Variants in VPS13B observed in about 807,000 individuals in gnomAD.
VPS13B encodes intermembrane lipid transfer protein VPS13B.
VPS13B carries 285 observed loss-of-function variants against 426.4 expected under a neutral mutation model. The ratio of observed to expected loss-of-function variants is 0.67; its 90% CI spans 0.61 to 0.74. VPS13B has a LOEUF of 0.74. Ranked by LOEUF, VPS13B falls within the 30% of genes least tolerant of loss-of-function variation. The pLI is 0.00. For synonymous variants in VPS13B, 1,676 were observed against 1,676.4 expected, an observed-to-expected ratio of 1.00 and a Z score of 0.01; for missense variants, 4,537 against 4,782.6, an observed-to-expected ratio of 0.95 and a Z score of 1.51.
At chr8:99,141,517 A>C (rs1039664601) in intron 12 of VPS13B, among the ~76,000 whole-genome samples, 2 of 152,184 alleles carry the variant, frequency 1.3e-5, no homozygotes, top group African/African-American at 4.8e-5. Context: ...CTAGAAATGT[A>C]ATGGTTTTAG....
At chr8:99,835,371 T>C in intron 53 of VPS13B, 47 bp downstream of exon 53, 1 of 1,587,652 alleles carries the variant, frequency 6.3e-7, no homozygotes, top group African/African-American at 1.3e-5. Flanking sequence ...TGTGTATTTT[T>C]TCTGGGATTT....
intron 19 of VPS13B, chr8:99,340,795 AG>A: frequency 5.9e-6 from 2 of 340,398 alleles, no homozygotes; most frequent in Non-Finnish European, 1.2e-5. Context: ...AGCCTGTTGC[AG>A]TTGGTGGTGT....
intron 41 of VPS13B, 29 bp downstream of exon 41, chr8:99,776,985 A>T (rs372386357): frequency 5.5e-5 from 88 of 1,595,274 alleles, no homozygotes; most frequent in Non-Finnish European, 7.0e-5. Flanking sequence ...TCAGAATAAC[A>T]TCCATTTAAT....
At chr8:99,862,312 T>G (rs779962882) in intron 58 of VPS13B, among the ~76,000 whole-genome samples, 6 of 152,186 alleles carry the variant, frequency 3.9e-5, no homozygotes, top group Non-Finnish European at 8.8e-5. Context: ...GCTCCCTCAC[T>G]CCCACACATG....
intron 39 of VPS13B, among the ~76,000 whole-genome samples, chr8:99,747,655 C>T (rs926283809): frequency 2.6e-5 from 4 of 151,830 alleles, no homozygotes; most frequent in Non-Finnish European, 5.9e-5. Flanking sequence ...CTTTTTAACC[C>T]AAAAAGTAAG....
chr8:99,475,292 CT>C (rs1221745867), intron 24 of VPS13B, among the ~76,000 whole-genome samples: 2 of 152,108 alleles, frequency 1.3e-5, no homozygotes, highest in African/African-American at 4.8e-5. Context: ...TGTTGTTTTT[CT>C]AAAGTCATAG....
intron 30 of VPS13B, among the ~76,000 whole-genome samples, chr8:99,539,227 T>C (rs576742017): frequency 5.3e-5 from 8 of 152,272 alleles, no homozygotes; most frequent in Admixed American, 3.3e-4. Context: ...AATTGGCCTT[T>C]AAAAAATAGG....
chr8:99,079,577 T>G (rs1467132297), intron 3 of VPS13B, among the ~76,000 whole-genome samples: 1 of 152,240 alleles, frequency 6.6e-6, no homozygotes, highest in African/African-American at 2.4e-5. Context: ...ATTTTTTTTA[T>G]TTCTCCTTGT....
At chr8:99,300,715 A>G (rs1334227680) in intron 19 of VPS13B, among the ~76,000 whole-genome samples, 2 of 152,204 alleles carry the variant, frequency 1.3e-5, no homozygotes, top group East Asian at 3.9e-4. Context: ...GATTGTCTGC[A>G]TTACTCTTAC....
intron 31 of VPS13B, among the ~76,000 whole-genome samples, chr8:99,559,727 C>T (rs928116429): frequency 2.6e-5 from 4 of 152,062 alleles, no homozygotes; most frequent in Admixed American, 6.6e-5. Flanking sequence ...AGATACGCGG[C>T]ATTATTTCTG....
At chr8:99,319,654 T>G (rs1174014412) in intron 19 of VPS13B, among the ~76,000 whole-genome samples, 1 of 152,032 alleles carries the variant, frequency 6.6e-6, no homozygotes, top group Admixed American at 6.5e-5. Flanking sequence ...GCCCCCAGAG[T>G]GTGGTGCAAC....
At chr8:99,062,872 G>T (rs191887460) in intron 3 of VPS13B, among the ~76,000 whole-genome samples, 184 of 152,286 alleles carry the variant, frequency 1.2e-3, no homozygotes, top group African/African-American at 4.1e-3. Flanking sequence ...AAGTATCTGT[G>T]GATATAGATG....
At chr8:99,593,091 C>T (rs558145709) in intron 33 of VPS13B, among the ~76,000 whole-genome samples, 2 of 152,108 alleles carry the variant, frequency 1.3e-5, no homozygotes, top group African/African-American at 2.4e-5. Context: ...GGAACTTCTG[C>T]ACAGCAATAG....
chr8:99,382,464 A>G (rs143895178), intron 19 of VPS13B, among the ~76,000 whole-genome samples: 2,969 of 152,136 alleles, frequency 0.02, 42 homozygotes, highest in Non-Finnish European at 0.031. Context: ...ATGAGCATGG[A>G]ATGTTTTTCC....
At chr8:99,595,069 C>T (rs1349481629) in intron 33 of VPS13B, among the ~76,000 whole-genome samples, 2 of 151,954 alleles carry the variant, frequency 1.3e-5, no homozygotes, top group Non-Finnish European at 2.9e-5. Flanking sequence ...TGTTTCTCTT[C>T]ATAAGCTCTG....
intron 39 of VPS13B, among the ~76,000 whole-genome samples, chr8:99,743,398 C>T (rs909788969): frequency 1.3e-5 from 2 of 151,724 alleles, no homozygotes; most frequent in Admixed American, 6.6e-5. Flanking sequence ...CCATACTGCC[C>T]AAGGTAATTT....
intron 24 of VPS13B, among the ~76,000 whole-genome samples, chr8:99,473,090 CAT>C (rs1022267940): frequency 4.3e-4 from 66 of 152,082 alleles, no homozygotes; most frequent in African/African-American, 1.3e-3. Flanking sequence ...GAAAAAATAA[CAT>C]AAATTTTTCA....
chr8:99,745,737 C>T (rs1228640620), intron 39 of VPS13B, among the ~76,000 whole-genome samples: 4 of 152,108 alleles, frequency 2.6e-5, no homozygotes, highest in Non-Finnish European at 2.9e-5. Flanking sequence ...TCTAACCCAT[C>T]TTTAGTAATT....
rs1554588147 is a variant in VPS13B, at chr8:99,870,882, T to TGTC, written c.11491_11493dup (p.Val3831dup). The TGTC allele has an allele frequency of 6.2e-7, 1 of 1,614,066 alleles. No individual in the cohort carries two copies. The highest frequency in any genetic ancestry group is 8.5e-7 in the Non-Finnish European group (1 of 1,179,924). On this transcript the variant is annotated inframe_insertion, in exon 60 of 62. Coordinates refer to ENST00000357162, the MANE Select transcript of VPS13B (RefSeq NM_152564.5). ...AGGCTCCAAACAGCCATGTCAAATATGTCTGGTAAAATTATTGAGATACGT... is the reference window on the plus strand; with the variant it reads ...AGGCTCCAAACAGCCATGTCAAATATGTCGTCTGGTAAAATTATTGAGATACGT...
Sources: gnomAD v4.1 joint callset for allele counts (sites outside exome capture counted in the v4.1 genomes callset) on GRCh38, gnomAD v4.1.1 for gene constraint, MANE v1.5 for transcripts, NCBI Gene and HGNC (gene_info 2026-07-23, HGNC 2026-07-21) for gene names.